Variants in AGBL4 observed in about 807,000 individuals in gnomAD.
AGBL4 encodes AGBL carboxypeptidase 4, also known as cytosolic carboxypeptidase 6.
In AGBL4, 58 loss-of-function variants were observed where a neutral mutation model predicts 66.4. That is an observed-to-expected ratio of 0.87 (90% CI 0.71 to 1.09). The LOEUF (loss-of-function observed/expected upper bound fraction) is 1.09. Among genes scored for constraint, AGBL4 ranks in the 50% least tolerant of loss-of-function variants. The pLI, the probability that AGBL4 is intolerant of heterozygous loss-of-function variation, is 0.00. For missense variants in AGBL4, 579 were observed against 631.0 expected, an observed-to-expected ratio of 0.92 and a Z score of 0.88; for synonymous variants, 234 against 222.9, an observed-to-expected ratio of 1.05 and a Z score of -0.44.
At chr1:49,527,143 C>G (rs932781268) in intron 3 of AGBL4, 1 of 152,070 alleles carries the variant, frequency 6.6e-6, no homozygotes, top group South Asian at 2.1e-4. Context: ...CAGATGTACC[C>G]TATATAACTA....
intron 3 of AGBL4, among the ~76,000 whole-genome samples, chr1:49,596,992 T>C (rs1284410005): frequency 6.6e-6 from 1 of 152,196 alleles, no homozygotes; most frequent in Non-Finnish European, 1.5e-5. Context: ...AAACCAAGCA[T>C]GCATATTAAA....
intron 3 of AGBL4, among the ~76,000 whole-genome samples, chr1:49,408,596 G>A (rs1645252631): frequency 6.6e-6 from 1 of 152,214 alleles, no homozygotes; most frequent in Non-Finnish European, 1.5e-5. Flanking sequence ...GCAGGCAGAG[G>A]AACATGGAAG....
chr1:48,830,846 C>T (rs1253434950), intron 6 of AGBL4, among the ~76,000 whole-genome samples: 1 of 151,942 alleles, frequency 6.6e-6, no homozygotes, highest in Non-Finnish European at 1.5e-5. Context: ...TTTTTTTAAA[C>T]GTAAAAGTTC....
intron 3 of AGBL4, among the ~76,000 whole-genome samples, chr1:49,509,623 G>A (rs1400609201): frequency 6.6e-6 from 1 of 151,904 alleles, no homozygotes; most frequent in African/African-American, 2.4e-5. Context: ...GGAGTCATTG[G>A]AGGTTTCTAA....
chr1:49,061,651 G>A (rs763473668), intron 4 of AGBL4, among the ~76,000 whole-genome samples: 14 of 152,162 alleles, frequency 9.2e-5, no homozygotes, highest in Non-Finnish European at 1.9e-4. Flanking sequence ...AGAACAAGTA[G>A]AGGTTTTGGA....
intron 4 of AGBL4, among the ~76,000 whole-genome samples, chr1:49,188,831 G>A (rs550512537): frequency 8.5e-5 from 13 of 152,238 alleles, no homozygotes; most frequent in South Asian, 2.1e-4. Context: ...TATTAATGCC[G>A]GTTGGTTTAG....
intron 3 of AGBL4, among the ~76,000 whole-genome samples, chr1:49,559,549 C>A (rs2148851138): frequency 6.6e-6 from 1 of 152,136 alleles, no homozygotes; most frequent in East Asian, 1.9e-4. Flanking sequence ...TTGGTGGAAA[C>A]CATCCAATTG....
chr1:49,704,680 T>C (rs1256257885), intron 2 of AGBL4, among the ~76,000 whole-genome samples: 2 of 152,126 alleles, frequency 1.3e-5, no homozygotes, highest in East Asian at 1.9e-4. Flanking sequence ...ATTTATTAAA[T>C]AGGGAATCCT....
intron 11 of AGBL4, among the ~76,000 whole-genome samples, chr1:48,581,838 A>G (rs1644745326): frequency 6.6e-6 from 1 of 152,222 alleles, no homozygotes; most frequent in East Asian, 1.9e-4. Flanking sequence ...AGAGTGGTTA[A>G]ATATGGGATT....
intron 5 of AGBL4, among the ~76,000 whole-genome samples, chr1:48,990,081 G>T (rs1024228393): frequency 1.3e-5 from 2 of 152,104 alleles, no homozygotes; most frequent in African/African-American, 4.8e-5. Flanking sequence ...ATTCTAGCGG[G>T]GGTGAGATGA....
At chr1:48,763,606 G>A (rs1644386410) in intron 6 of AGBL4, among the ~76,000 whole-genome samples, 1 of 152,004 alleles carries the variant, frequency 6.6e-6, no homozygotes, top group Non-Finnish European at 1.5e-5. Flanking sequence ...ACAAGTTGAG[G>A]GCAAAGTCTG....
rs530481798 is a variant in AGBL4, at chr1:49,143,546, G to A, written c.378-97746C>T. On this transcript the variant is annotated intron_variant, in intron 4 of 13. Coordinates refer to ENST00000371839, the MANE Select transcript of AGBL4 (RefSeq NM_032785.4). ...TGTGAGTTCCGTGAGGGCAGGGAAT[G>A]TGCCATGCTTTTAACATTCTTCTTG... Among the ~76,000 whole-genome samples, 11 of 152,316 alleles carry A rather than the reference G, an allele frequency of 7.2e-5. No homozygotes were observed. The South Asian group carries it at 2.3e-3, about 32-fold the overall frequency.
At chr1:49,820,202 GC>G (rs1216426333) in intron 2 of AGBL4, among the ~76,000 whole-genome samples, 2 of 152,148 alleles carry the variant, frequency 1.3e-5, no homozygotes, top group Non-Finnish European at 2.9e-5. Context: ...GAGAAAGAAA[GC>G]CTCAGTTAAG....
intron 4 of AGBL4, among the ~76,000 whole-genome samples, chr1:49,128,991 A>G (rs1467753403): frequency 6.6e-6 from 1 of 152,078 alleles, no homozygotes; most frequent in African/African-American, 2.4e-5. Context: ...TAGAAAATAT[A>G]AAGAACTCAT....
chr1:49,209,392 A>G (rs972951256), intron 4 of AGBL4, among the ~76,000 whole-genome samples: 4 of 152,086 alleles, frequency 2.6e-5, no homozygotes, highest in African/African-American at 9.7e-5. Context: ...CAAATTTACT[A>G]TGAAGGACCC....
chr1:49,468,764 A>AT (rs1433535200), intron 3 of AGBL4, among the ~76,000 whole-genome samples: 6 of 151,884 alleles, frequency 4.0e-5, no homozygotes, highest in Admixed American at 6.6e-5. Flanking sequence ...TGTTTTATGC[A>AT]TTTTTTGCAA....
At chr1:49,224,664 CA>C (rs1233890069) in intron 4 of AGBL4, among the ~76,000 whole-genome samples, 1 of 150,220 alleles carries the variant, frequency 6.7e-6, no homozygotes, top group African/African-American at 2.4e-5. Flanking sequence ...TAGGATTCAG[CA>C]GTACCAAAAA....
At chr1:49,466,874 G>A (rs1219308204) in intron 3 of AGBL4, among the ~76,000 whole-genome samples, 2 of 151,742 alleles carry the variant, frequency 1.3e-5, no homozygotes, top group Non-Finnish European at 2.9e-5. Context: ...CCCTTGTGAT[G>A]GGCAAAGATG....
chr1:49,004,247 A>G (rs1014551955), intron 5 of AGBL4, among the ~76,000 whole-genome samples: 2 of 152,228 alleles, frequency 1.3e-5, no homozygotes, highest in African/African-American at 2.4e-5. Flanking sequence ...AACAAATCCA[A>G]CTGGTAAGCG....
Sources: gnomAD v4.1 joint callset for allele counts (sites outside exome capture counted in the v4.1 genomes callset) on GRCh38, gnomAD v4.1.1 for gene constraint, MANE v1.5 for transcripts, NCBI Gene and HGNC (gene_info 2026-07-23, HGNC 2026-07-21) for gene names.